Variants in NIM1K observed in about 807,000 individuals in gnomAD.
NIM1K encodes NIM1 serine/threonine protein kinase.
In NIM1K, 35 loss-of-function variants were observed where a neutral mutation model predicts 37.1. The observed-to-expected ratio is 0.94, with a 90% CI of 0.72 to 1.25. NIM1K has a LOEUF of 1.25. Among genes scored for constraint, NIM1K ranks in the 50% most tolerant of loss-of-function variants. NIM1K has a pLI of 0.00. For missense variants in NIM1K, 564 were observed against 548.0 expected (o/e 1.03, Z -0.29); for synonymous variants, 234 against 206.6 (o/e 1.13, Z -1.14).
At chr5:43,264,418 G>A (rs1753088347) in intron 2 of NIM1K, among the ~76,000 whole-genome samples, 2 of 152,030 alleles carry the variant, frequency 1.3e-5, no homozygotes, top group African/African-American at 4.8e-5. Flanking sequence ...TTTAAAGTCT[G>A]TTTTATCAGA....
chr5:43,196,804 A>C (rs879619106), intron 1 of NIM1K, among the ~76,000 whole-genome samples: 2 of 151,952 alleles, frequency 1.3e-5, no homozygotes, highest in Non-Finnish European at 2.9e-5. Flanking sequence ...ACAGGTTCTC[A>C]CACTGTTGCC....
intron 1 of NIM1K, among the ~76,000 whole-genome samples, chr5:43,223,834 G>A (rs1345079221): frequency 1.3e-5 from 2 of 152,176 alleles, no homozygotes; most frequent in African/African-American, 4.8e-5. Context: ...AGATTTCAGT[G>A]CTTTGGCAGA....
chr5:43,253,363 C>T lies in NIM1K; in HGVS notation c.292+7296C>T, dbSNP rs566050039. Among the ~76,000 whole-genome samples the T allele has an allele frequency of 4.6e-5, 7 of 151,282 alleles. No individual in the cohort carries two copies. In the South Asian group the frequency reaches 1.5e-3, roughly 32 times the overall value. The stretch of plus-strand genomic sequence containing the variant: ...AGCAAGAATGTGCTTACCTGTGCCC[C>T]GTGGATCCAGGAAGGGTCTATTGAG... On this transcript the variant is annotated intron_variant, in intron 2 of 3. Transcript: ENST00000326035.
At position 43,280,248 on chromosome 5, in the gene NIM1K, C is replaced by T. The variant is rs750345835; in HGVS notation, c.830C>T (p.Ala277Val). 1 of 1,614,092 alleles carries T rather than the reference C, an allele frequency of 6.2e-7. No individual in the cohort carries two copies. The highest frequency in any genetic ancestry group is 1.7e-5 in the Admixed American group (1 of 60,006). ...ATGCCATTTCGGGCAGAAACCGTGG[C>T]CAAACTAAAAAAGAGCATCCTCGAG... ...GTMPFRAETV[A>V]KLKKSILEGT... Residue 277 changes from alanine (A) to valine (V), a missense_variant, in exon 4 of 4, where the codon GCC (alanine) becomes GTC (valine). Physicochemically the swap from Ala to Val is moderately conservative, Grantham distance 64. Transcript: ENST00000326035.
At position 43,277,122 on chromosome 5, in the gene NIM1K, C is replaced by A; in HGVS notation, c.358C>A (p.Arg120=). 6.2e-7 allele frequency: 1 copy of A among 1,614,116 alleles called. No individual in the cohort carries two copies. Among genetic ancestry groups the A allele is most frequent in the African/African-American group, 1.3e-5 (1 of 75,014 alleles). Residue 120 remains arginine, a synonymous_variant, in exon 3 of 4, where the codon CGA becomes AGA. Transcript: ENST00000326035. ...LDQKTQRLLS[R]EISSMEKLHH... ...CCAGAAAACCCAGAGGCTACTATCC[C>A]GAGAAATCTCCAGCATGGAAAAGCT...
chr5:43,236,073 C>A (rs1752617171), intron 1 of NIM1K, among the ~76,000 whole-genome samples: 1 of 152,022 alleles, frequency 6.6e-6, no homozygotes, highest in South Asian at 2.1e-4. Context: ...CCGGGAGTTG[C>A]AGATCAGCCT....
chr5:43,233,630 AC>A (rs1430414343), intron 1 of NIM1K, among the ~76,000 whole-genome samples: 1 of 152,198 alleles, frequency 6.6e-6, no homozygotes, highest in African/African-American at 2.4e-5. Context: ...TCTAACACCC[AC>A]TAAGGGCATC....
chr5:43,227,613 T>C (rs1001942645), intron 1 of NIM1K, among the ~76,000 whole-genome samples: 2 of 152,192 alleles, frequency 1.3e-5, no homozygotes, highest in Non-Finnish European at 2.9e-5. Context: ...CCTTCAAATA[T>C]GACTTTCTAG....
At chr5:43,242,431 C>T (rs1752716711) in intron 1 of NIM1K, among the ~76,000 whole-genome samples, 1 of 150,790 alleles carries the variant, frequency 6.6e-6, no homozygotes, top group African/African-American at 2.5e-5. Flanking sequence ...CTGTGGGGAG[C>T]TGATTCTTTC....
At chr5:43,222,999 C>T (rs1044299814) in intron 1 of NIM1K, among the ~76,000 whole-genome samples, 2 of 151,826 alleles carry the variant, frequency 1.3e-5, no homozygotes, top group Non-Finnish European at 2.9e-5. Flanking sequence ...ATTAGCCTGG[C>T]GTGGTGGTGC....
chr5:43,231,055 C>A (rs1413538845), intron 1 of NIM1K, among the ~76,000 whole-genome samples: 1 of 152,196 alleles, frequency 6.6e-6, no homozygotes, highest in African/African-American at 2.4e-5. Flanking sequence ...CTGTGGCTCA[C>A]ACCTATAATC....
At chr5:43,250,501 A>AAAGT (rs1311407105) in intron 2 of NIM1K, among the ~76,000 whole-genome samples, 7 of 152,198 alleles carry the variant, frequency 4.6e-5, no homozygotes, top group Non-Finnish European at 7.3e-5. Context: ...GTCAGAGGGC[A>AAAGT]TGCATTGAAA....
chr5:43,229,005 C>T (rs1057037122), intron 1 of NIM1K, among the ~76,000 whole-genome samples: 13 of 152,314 alleles, frequency 8.5e-5, no homozygotes, highest in African/African-American at 2.9e-4. Flanking sequence ...TAATTTGCTA[C>T]TCACAAGTGA....
chr5:43,259,352 T>G (rs1477192208), intron 2 of NIM1K, among the ~76,000 whole-genome samples: 2 of 152,230 alleles, frequency 1.3e-5, no homozygotes, highest in Admixed American at 6.5e-5. Flanking sequence ...TTTAGAAATC[T>G]CCATTCTGTT....
At chr5:43,266,392 G>A (rs1753160441) in intron 2 of NIM1K, among the ~76,000 whole-genome samples, 1 of 152,230 alleles carries the variant, frequency 6.6e-6, no homozygotes, top group African/African-American at 2.4e-5. Flanking sequence ...CAGTGAGTGA[G>A]GCTCCATGGG....
rs779812441 is a variant in NIM1K, at chr5:43,277,264, A to G, written c.500A>G (p.Lys167Arg). The part of the protein sequence containing the change: ...ELFGKISTEG[K>R]LSEPESKLIF... ...TTCGGAAAAATTAGCACTGAGGGGA[A>G]GCTCTCTGAACCAGAAAGCAAGCTC... is the stretch of plus-strand genomic sequence containing the variant. The change falls in exon 3 of 4, where the codon AAG (lysine) becomes AGG (arginine). Residue 167 changes from lysine (K) to arginine (R), a missense_variant. Transcript: ENST00000326035. 1.3e-5 allele frequency: 21 copies of G among 1,613,990 alleles called. No homozygotes were observed. The African/African-American group carries it at 1.3e-4, about 10-fold the overall frequency.
At chr5:43,268,765 T>G (rs529297456) in intron 2 of NIM1K, among the ~76,000 whole-genome samples, 60 of 151,506 alleles carry the variant, frequency 4.0e-4, no homozygotes, top group African/African-American at 1.5e-3. Context: ...GACTGAGTTT[T>G]GGGAAAGATT....
At chr5:43,246,485 C>CACCT (rs1561085957) in intron 2 of NIM1K, among the ~76,000 whole-genome samples, 1 of 152,032 alleles carries the variant, frequency 6.6e-6, no homozygotes, top group Non-Finnish European at 1.5e-5. Flanking sequence ...TCTCCCAAGC[C>CACCT]CATATTTATA....
At chr5:43,249,589 G>A (rs143755392) in intron 2 of NIM1K, among the ~76,000 whole-genome samples, 86 of 152,264 alleles carry the variant, frequency 5.6e-4, no homozygotes, top group African/African-American at 2.0e-3. Flanking sequence ...AACCAAAACA[G>A]GTGATGCCTT....
Sources: gnomAD v4.1 joint callset for allele counts (sites outside exome capture counted in the v4.1 genomes callset) on GRCh38, gnomAD v4.1.1 for gene constraint, MANE v1.5 for transcripts, NCBI Gene and HGNC (gene_info 2026-07-23, HGNC 2026-07-21) for gene names.